The following TRIM16 variants were observed in gnomAD, a reference collection of about 807,000 sequenced individuals.
TRIM16 encodes the protein tripartite motif-containing protein 16.
Under a neutral mutation model 50.4 loss-of-function variants are expected in TRIM16, and 33 were observed. The ratio of observed to expected loss-of-function variants is 0.65; its 90% CI spans 0.50 to 0.88. TRIM16 has a LOEUF of 0.88. TRIM16 is among the 40% of genes least tolerant of loss of function. The pLI, the probability that TRIM16 is intolerant of heterozygous loss-of-function variation, is 0.00. For synonymous variants in TRIM16, 229 were observed against 270.7 expected (o/e 0.85, Z 1.51); for missense variants, 581 against 686.8 (o/e 0.85, Z 1.72).
intron 6 of TRIM16, among the ~76,000 whole-genome samples, chr17:15,653,184 CCT>C (rs1157306884): frequency 6.6e-6 from 1 of 152,114 alleles, no homozygotes; most frequent in African/African-American, 2.4e-5. Context: ...TCTCTTAATT[CCT>C]CTCTCTCCAT....
At chr17:15,650,113 AG>A (rs1567677528) in intron 7 of TRIM16, among the ~76,000 whole-genome samples, 1 of 152,130 alleles carries the variant, frequency 6.6e-6, no homozygotes, top group Non-Finnish European at 1.5e-5. Flanking sequence ...GGCAGAGAGG[AG>A]GGGCCCTGGC....
rs756102345 is a variant in TRIM16 at position 15,628,935 on chromosome 17, A to C, written c.1375T>G (p.Cys459Gly). ...IDRKGEERNS[C>G]ISGNNFSWSL... ...CAGGAGAAGTTGTTTCCGGAAATGC[A>C]ACTGTTGCGCTCCTCCCCTTTCCGG... The change falls in exon 12 of 12, where the codon TGC (cysteine) becomes GGC (glycine). Residue 459 changes from cysteine to glycine, a missense_variant. This residue lies in a region of TRIM16 where 115 missense variants were observed against 106.7 expected (regional missense o/e 1.08). Coordinates refer to ENST00000649191, the MANE Select transcript of TRIM16 (RefSeq NM_001348119.1). The C allele has an allele frequency of 3.7e-6, 6 of 1,614,210 alleles. No individual in the cohort carries two copies. In the Admixed American group the frequency reaches 1.0e-4, roughly 27 times the overall value.
chr17:15,648,437 A>G (rs1987524738), intron 7 of TRIM16, among the ~76,000 whole-genome samples: 1 of 152,130 alleles, frequency 6.6e-6, no homozygotes, highest in Non-Finnish European at 1.5e-5. Context: ...AAACCATAGG[A>G]GCTTCAAAAA....
rs1254375822 is a variant in TRIM16, at chr17:15,651,592, T to C, written c.18A>G (p.Leu6=). The part of the protein sequence containing the change: MAELD[L]MAPGPLPRAT... ...CCCTGGGCAGTGGCCCTGGAGCCATTAGATCCAACTCAGCCATCTGGGAGG... is the reference window on the plus strand; with the variant it reads ...CCCTGGGCAGTGGCCCTGGAGCCATCAGATCCAACTCAGCCATCTGGGAGG... Residue 6 remains leucine, a synonymous_variant, in exon 7 of 12, where the codon CTA becomes CTG. Transcript: ENST00000649191. 6.2e-7 allele frequency: 1 copy of C among 1,613,768 alleles called. No individual in the cohort carries two copies. The highest frequency in any genetic ancestry group is 8.5e-7 in the Non-Finnish European group (1 of 1,179,862).
In TRIM16 at chr17:15,676,918, T is replaced by C. The variant is rs550788765; in HGVS notation, c.-338+258A>G. The stretch of plus-strand genomic sequence containing the variant: ...GTGATTCCAGCTACTAAAGAGGAAA[T>C]GGGAATAGCCTCATAAAATGCCTCA... On this transcript the variant is annotated intron_variant, in intron 6 of 11. Coordinates refer to ENST00000649191, the MANE Select transcript of TRIM16 (RefSeq NM_001348119.1). Among the ~76,000 whole-genome samples the C allele has an allele frequency of 3.5e-3, 531 of 152,172 alleles. 3 individuals are homozygous for C. The highest frequency in any genetic ancestry group is 0.012 in the African/African-American group (491 of 41,484).
At chr17:15,632,465 T>C (rs764151923) in intron 10 of TRIM16, 44 bp downstream of exon 10, 10 of 1,556,664 alleles carry the variant, frequency 6.4e-6, no homozygotes, top group Non-Finnish European at 7.8e-6. Context: ...CATCTACTGC[T>C]AGAGACACAC....
chr17:15,634,918 G>A (rs1188953820), intron 9 of TRIM16, among the ~76,000 whole-genome samples: 1 of 149,024 alleles, frequency 6.7e-6, no homozygotes, highest in Non-Finnish European at 1.5e-5. Flanking sequence ...GAGGCGGGAA[G>A]CCAAATGGTT....
chr17:15,662,471 C>T (rs945479672), intron 6 of TRIM16, among the ~76,000 whole-genome samples: 1 of 152,220 alleles, frequency 6.6e-6, no homozygotes, highest in Admixed American at 6.5e-5. Context: ...TATTTACACA[C>T]AATGCACACA....
intron 7 of TRIM16, among the ~76,000 whole-genome samples, chr17:15,646,654 C>T (rs919044206): frequency 6.8e-6 from 1 of 146,818 alleles, no homozygotes; most frequent in African/African-American, 2.6e-5. Context: ...GAGTGGCAGC[C>T]AGGTCATGTT....
chr17:15,675,687 A>G (rs1309412350), intron 6 of TRIM16: 12 of 185,446 alleles, frequency 6.5e-5, no homozygotes, highest in Non-Finnish European at 1.2e-4. Context: ...AGAAGCGCCC[A>G]TGTTACCCAA....
intron 6 of TRIM16, among the ~76,000 whole-genome samples, chr17:15,663,292 T>G (rs911035025): frequency 7.2e-5 from 11 of 152,236 alleles, no homozygotes; most frequent in Admixed American, 7.2e-4. Flanking sequence ...CATTCATTCA[T>G]TATTTATTCT....
At chr17:15,666,004 G>A (rs1473592056) in intron 6 of TRIM16, among the ~76,000 whole-genome samples, 1 of 151,826 alleles carries the variant, frequency 6.6e-6, no homozygotes, top group Admixed American at 6.6e-5. Flanking sequence ...GAAACCCAGG[G>A]AGCATCCCTA....
intron 6 of TRIM16, among the ~76,000 whole-genome samples, chr17:15,664,703 A>G (rs1330860639): frequency 1.3e-5 from 2 of 152,072 alleles, no homozygotes; most frequent in Admixed American, 6.6e-5. Flanking sequence ...CACAGTATCA[A>G]CGTCATGATG....
At chr17:15,664,844 C>T (rs1341226305) in intron 6 of TRIM16, among the ~76,000 whole-genome samples, 1 of 151,872 alleles carries the variant, frequency 6.6e-6, no homozygotes, top group Non-Finnish European at 1.5e-5. Flanking sequence ...TCAGCCTGGC[C>T]AACATGGTGA....
Position 15,632,555 on chromosome 17 carries a change from C to T in TRIM16, c.969G>A (p.Gln323=). 1 of 1,613,286 alleles carries T rather than the reference C, an allele frequency of 6.2e-7. No homozygotes were observed. Among genetic ancestry groups the T allele is most frequent in the Non-Finnish European group, 8.5e-7 (1 of 1,179,682 alleles). Residue 323 remains glutamine, a synonymous_variant, in exon 10 of 12, where the codon CAG becomes CAA. Coordinates refer to ENST00000649191, the MANE Select transcript of TRIM16 (RefSeq NM_001348119.1). ...GCTTTTTCTTATAGTTCTCCAGCAA[C>T]TGGATTAAGTGTACAGTGGATTCCG... is the stretch of plus-strand genomic sequence containing the variant. ...VITESTVHLI[Q]LLENYKKKLQ...
chr17:15,637,136 C>A (rs1197296887), intron 8 of TRIM16, among the ~76,000 whole-genome samples: 2 of 147,390 alleles, frequency 1.4e-5, no homozygotes, highest in Admixed American at 1.3e-4. Flanking sequence ...GGTCAGCCCC[C>A]CGCCCGGCCA....
In TRIM16 at chr17:15,681,223, C is replaced by T. The variant is rs796530212; in HGVS notation, c.-678-270G>A. 213 of 282,294 alleles carry T rather than the reference C, an allele frequency of 7.5e-4. 1 individual carries two copies. The highest frequency in any genetic ancestry group is 4.2e-4 in the South Asian group (3 of 7,192). The allele number at this position is 282,294 out of a possible 1,614,324, so 17.5% of individuals were successfully genotyped here. On this transcript the variant is annotated intron_variant, in intron 3 of 11. Transcript: ENST00000649191. ...CGAGGTTCCCTGGGACCAAAAAACC[C>T]TAAAACAAAACAAGAAGTGCAATGT...
At chr17:15,656,276 T>C (rs974019158) in intron 6 of TRIM16, among the ~76,000 whole-genome samples, 2 of 152,176 alleles carry the variant, frequency 1.3e-5, no homozygotes, top group African/African-American at 4.8e-5. Flanking sequence ...GAAAGTCACA[T>C]GATTCTTTTG....
At chr17:15,652,946 A>G (rs1463716695) in intron 6 of TRIM16, among the ~76,000 whole-genome samples, 1 of 152,114 alleles carries the variant, frequency 6.6e-6, no homozygotes, top group Non-Finnish European at 1.5e-5. Context: ...ACTTAACGAA[A>G]CATTCCTAGA....
Sources: gnomAD v4.1 joint callset for allele counts (sites outside exome capture counted in the v4.1 genomes callset) on GRCh38, gnomAD v4.1.1 for gene constraint, gnomAD v4.1.1 regional missense constraint, MANE v1.5 for transcripts, NCBI Gene and HGNC (gene_info 2026-07-23, HGNC 2026-07-21) for gene names.